Variants in SRGAP2 observed in about 807,000 individuals in gnomAD.
SRGAP2 encodes SLIT-ROBO Rho GTPase activating protein 2.
A neutral mutation model predicts 57.2 loss-of-function variants in SRGAP2; 15 were observed. The ratio of observed to expected loss-of-function variants is 0.26; its 90% confidence interval spans 0.18 to 0.40. The LOEUF (loss-of-function observed/expected upper bound fraction) is 0.40, where lower values mean the gene tolerates loss of function less well. Ranked by LOEUF, SRGAP2 falls within the 10% of genes least tolerant of loss-of-function variation. SRGAP2 has a pLI of 1.00. For missense variants in SRGAP2, 520 were observed against 669.6 expected (o/e 0.78, Z 2.47); for synonymous variants, 249 against 248.0 (o/e 1.00, Z -0.04).
intron 13 of SRGAP2, among the ~76,000 whole-genome samples, chr1:206,422,768 A>G (rs114748579): frequency 0.012 from 1,897 of 152,286 alleles, 53 homozygotes; most frequent in African/African-American, 0.043. Context: ...TCTGGTTTGC[A>G]TCCTGCTGCA....
At chr1:206,325,116 GAAAA>G (rs1458954830) in intron 3 of SRGAP2, among the ~76,000 whole-genome samples, 2 of 128,890 alleles carry the variant, frequency 1.6e-5, no homozygotes, top group East Asian at 4.9e-4. Flanking sequence ...AAGAAAAAAA[GAAAA>G]AAACGATTCT....
chr1:206,303,668 T>C (rs1301442545), intron 3 of SRGAP2, among the ~76,000 whole-genome samples, 195 bp downstream of exon 3: 1 of 152,192 alleles, frequency 6.6e-6, no homozygotes, highest in Non-Finnish European at 1.5e-5. Flanking sequence ...TGAGAGTAGA[T>C]GATGAACCAT....
intron 14 of SRGAP2, 62 bp downstream of exon 14, chr1:206,430,284 C>G (rs1661181698): frequency 1.3e-6 from 1 of 777,498 alleles, no homozygotes; most frequent in Non-Finnish European, 2.4e-6. Context: ...TCCAGGAATT[C>G]TTTGTAGAGT....
At chr1:206,284,420 CTTG>C (rs1376381459) in intron 2 of SRGAP2, among the ~76,000 whole-genome samples, 7 of 151,084 alleles carry the variant, frequency 4.6e-5, no homozygotes, top group East Asian at 1.9e-4. Flanking sequence ...TCTTAGACTT[CTTG>C]TTGTTGGTTT....
intron 4 of SRGAP2, among the ~76,000 whole-genome samples, chr1:206,371,681 A>G (rs1654565157): frequency 6.7e-6 from 1 of 150,084 alleles, no homozygotes. Flanking sequence ...CAGTGAGACG[A>G]GATCATGCCA....
At chr1:206,253,891 A>G (rs1553311652) in intron 2 of SRGAP2, among the ~76,000 whole-genome samples, 2 of 148,220 alleles carry the variant, frequency 1.3e-5, no homozygotes, top group African/African-American at 2.5e-5. Flanking sequence ...CATTTTCAAG[A>G]GCAAGCCCTT....
intron 11 of SRGAP2, 135 bp downstream of exon 11, chr1:206,416,108 G>T (rs1553361873): frequency 6.6e-6 from 4 of 608,916 alleles, no homozygotes; most frequent in Middle Eastern, 4.2e-4. Context: ...TGGCTTGTTG[G>T]ATGTGGAAGC....
intron 13 of SRGAP2, among the ~76,000 whole-genome samples, chr1:206,424,102 T>A (rs1368648961): frequency 6.6e-6 from 1 of 151,968 alleles, no homozygotes; most frequent in Non-Finnish European, 1.5e-5. Flanking sequence ...CCTTTCTGAT[T>A]GTTTTCTCCT....
chr1:206,214,289 T>C (rs1238595672), intron 2 of SRGAP2, among the ~76,000 whole-genome samples: 1 of 152,196 alleles, frequency 6.6e-6, no homozygotes. Flanking sequence ...TGTTTACCAC[T>C]TACTAAGCAT....
intron 2 of SRGAP2, among the ~76,000 whole-genome samples, chr1:206,248,401 T>C (rs1553310453): frequency 1.3e-5 from 2 of 152,112 alleles, no homozygotes; most frequent in Non-Finnish European, 2.9e-5. Flanking sequence ...GTCAGCTTCA[T>C]TGCTTACTAC....
At chr1:206,458,506 C>T (rs1434462067) in intron 21 of SRGAP2, 117 bp from the exon 22 acceptor site, 3 of 705,972 alleles carry the variant, frequency 4.2e-6, no homozygotes, top group Non-Finnish European at 7.9e-6. Context: ...AGAACGAGTT[C>T]TGTGTCCCTC....
intron 2 of SRGAP2, among the ~76,000 whole-genome samples, chr1:206,211,027 C>G (rs1666282018): frequency 6.6e-6 from 1 of 152,074 alleles, no homozygotes; most frequent in African/African-American, 2.4e-5. Flanking sequence ...GGGCAAGGAG[C>G]CAGGGGATGC....
At chr1:206,369,166 A>G (rs1363495061) in intron 4 of SRGAP2, among the ~76,000 whole-genome samples, 22 of 152,230 alleles carry the variant, frequency 1.4e-4, no homozygotes, top group African/African-American at 5.3e-4. Context: ...TGGTGTTAAC[A>G]GATGCAAACT....
intron 3 of SRGAP2, among the ~76,000 whole-genome samples, chr1:206,334,047 A>G (rs1674592061): frequency 6.6e-6 from 1 of 151,962 alleles, no homozygotes. Context: ...AGCCACCCAG[A>G]GAGTGAGCAC....
At position 206,414,682 on chromosome 1, in the gene SRGAP2, A is replaced by G. The variant is rs567654856; in HGVS notation, c.1357-1207A>G. 4.6e-5 allele frequency among the ~76,000 whole-genome samples: 7 copies of G among 152,264 alleles called. No individual in the cohort carries two copies. In the South Asian group the frequency reaches 1.5e-3, roughly 32 times the overall value. On this transcript the variant is annotated intron_variant, in intron 10 of 22. Coordinates refer to ENST00000573034, the MANE Select transcript of SRGAP2 (RefSeq NM_015326.5). The stretch of plus-strand genomic sequence containing the variant: ...GAAAAGATACTGTGTTAAAAGTCCA[A>G]AGGCCTTAGATTGGGCCTGACACTA...
intron 3 of SRGAP2, among the ~76,000 whole-genome samples, chr1:206,316,421 CTG>C (rs1673075281): frequency 8.6e-6 from 1 of 115,988 alleles, no homozygotes; most frequent in Non-Finnish European, 1.7e-5. Context: ...CTTCAGACCC[CTG>C]TGGGCCCTCA....
At chr1:206,414,262 C>G (rs1659483841) in intron 10 of SRGAP2, among the ~76,000 whole-genome samples, 1 of 152,020 alleles carries the variant, frequency 6.6e-6, no homozygotes. Flanking sequence ...GTCTCAAACT[C>G]CTGTCCTCAA....
chr1:206,366,302 A>T (rs1385783518), intron 4 of SRGAP2, among the ~76,000 whole-genome samples: 3 of 152,236 alleles, frequency 2.0e-5, no homozygotes, highest in African/African-American at 7.2e-5. Context: ...TGCGGAACTG[A>T]TGAGTCCACC....
chr1:206,402,208 G>C (rs1658257233), intron 8 of SRGAP2, among the ~76,000 whole-genome samples: 1 of 152,078 alleles, frequency 6.6e-6, no homozygotes, highest in Non-Finnish European at 1.5e-5. Flanking sequence ...GTATAGTTTG[G>C]GTATTGAATA....
Sources: allele counts gnomAD v4.1 joint callset (sites outside exome capture counted in the v4.1 genomes callset), GRCh38; gene constraint gnomAD v4.1.1; transcripts MANE v1.5; gene names NCBI Gene and HGNC (gene_info 2026-07-23, HGNC 2026-07-21).